PRMT8: variants seen among roughly 807,000 people sequenced by gnomAD.
PRMT8 encodes protein arginine methyltransferase 8.
PRMT8 carries 7 observed loss-of-function variants against 47.1 expected under a neutral mutation model. The observed-to-expected ratio is 0.15, with a 90% CI of 0.08 to 0.28. The LOEUF is 0.28. PRMT8 is among the 10% of genes least tolerant of loss of function. The pLI is 1.00. For synonymous variants in PRMT8, 188 were observed against 186.5 expected, an observed-to-expected ratio of 1.01 and a Z score of -0.07; for missense variants, 237 against 505.4, an observed-to-expected ratio of 0.47 and a Z score of 5.09.
At chr12:3,546,247 C>G (rs1866326088) in intron 2 of PRMT8, among the ~76,000 whole-genome samples, 1 of 152,054 alleles carries the variant, frequency 6.6e-6, no homozygotes, top group African/African-American at 2.4e-5. Flanking sequence ...GAAAAAAAGT[C>G]ATAAAATCAA....
At chr12:3,482,421 C>G (rs1591563774) in intron 1 of PRMT8, among the ~76,000 whole-genome samples, 1 of 152,192 alleles carries the variant, frequency 6.6e-6, no homozygotes, top group African/African-American at 2.4e-5. Context: ...GATGCACTAA[C>G]TAAGTCCTGA....
chr12:3,390,759 G>A (rs1006850339), intron 1 of PRMT8, among the ~76,000 whole-genome samples: 1 of 152,148 alleles, frequency 6.6e-6, no homozygotes, highest in African/African-American at 2.4e-5. Flanking sequence ...TCTAGCACTC[G>A]TTACAATTCA....
intron 1 of PRMT8, among the ~76,000 whole-genome samples, chr12:3,440,858 T>A (rs111418885): frequency 0.024 from 3,615 of 152,224 alleles, 148 homozygotes; most frequent in African/African-American, 0.083. Flanking sequence ...ATCAGTGTCA[T>A]CATGAGCTAA....
At chr12:3,494,255 G>A in intron 1 of PRMT8, among the ~76,000 whole-genome samples, 1 of 152,160 alleles carries the variant, frequency 6.6e-6, no homozygotes, top group East Asian at 1.9e-4. Context: ...CTCTGGAGGG[G>A]CTCACAGTCT....
At chr12:3,547,029 C>T (rs1866337963) in intron 2 of PRMT8, among the ~76,000 whole-genome samples, 1 of 152,066 alleles carries the variant, frequency 6.6e-6, no homozygotes, top group African/African-American at 2.4e-5. Flanking sequence ...AGTCATATAC[C>T]ATCTCAATAA....
chr12:3,522,271 C>T (rs1865889943), intron 1 of PRMT8, among the ~76,000 whole-genome samples: 1 of 152,180 alleles, frequency 6.6e-6, no homozygotes, highest in Non-Finnish European at 1.5e-5. Flanking sequence ...TCCACCCTGT[C>T]ATTCCTTAGG....
chr12:3,568,970 C>T (rs1318736157), intron 5 of PRMT8, 122 bp downstream of exon 5: 3 of 1,316,648 alleles, frequency 2.3e-6, no homozygotes, highest in East Asian at 2.3e-5. Context: ...AGGTCACTGC[C>T]CCAAGCCCCT....
chr12:3,549,486 C>G lies in PRMT8; in HGVS notation c.262-450C>G, dbSNP rs548137213. ...AGCCAATATGCTGGACAGAGAAACA[C>G]ATTTTCTAGTCTTTTTTTTTTTTTA... On this transcript the variant is annotated intron_variant, in intron 2 of 9. Coordinates refer to ENST00000382622, the MANE Select transcript of PRMT8 (RefSeq NM_019854.5). Among the ~76,000 whole-genome samples, 6 of 132,626 alleles carry G rather than the reference C, an allele frequency of 4.5e-5. No homozygotes were observed. In the South Asian group the frequency reaches 1.7e-3, roughly 37 times the overall value. 87.0% of individuals were successfully genotyped at this position (132,626 alleles called of 152,430 possible). A position where few individuals can be genotyped will look rare whatever the true frequency, so the allele number is the denominator to read the frequency against.
At chr12:3,475,590 C>T (rs1393607562) in intron 1 of PRMT8, among the ~76,000 whole-genome samples, 1 of 152,222 alleles carries the variant, frequency 6.6e-6, no homozygotes, top group Non-Finnish European at 1.5e-5. Flanking sequence ...GTCTAGAGAA[C>T]GCTACCACCT....
At chr12:3,568,651 G>T (rs922810686) in intron 4 of PRMT8, 55 bp from the exon 5 acceptor site, 1 of 1,607,118 alleles carries the variant, frequency 6.2e-7, no homozygotes, top group East Asian at 2.2e-5. Context: ...TGAGGTGCTT[G>T]TGGTTCCTGG....
At chr12:3,589,631 T>G (rs561853986) in intron 8 of PRMT8, among the ~76,000 whole-genome samples, 3 of 152,274 alleles carry the variant, frequency 2.0e-5, no homozygotes, top group Admixed American at 2.0e-4. Context: ...AGAATCAGGA[T>G]TGGGAAAACT....
intron 1 of PRMT8, among the ~76,000 whole-genome samples, chr12:3,437,622 C>CTACATATATATA (rs1555079682): frequency 3.3e-4 from 47 of 142,872 alleles, no homozygotes; most frequent in African/African-American, 1.1e-3. Context: ...TGCATTCAGG[C>CTACATATATATA]TATATATATA....
chr12:3,486,860 A>T (rs140562990), upstream of PRMT8, among the ~76,000 whole-genome samples: 1 of 152,380 alleles, frequency 6.6e-6, no homozygotes, highest in East Asian at 1.9e-4. Flanking sequence ...TTAATCAGAC[A>T]TTATCAGAGC....
chr12:3,561,028 A>G (rs1866627598), intron 4 of PRMT8, among the ~76,000 whole-genome samples: 1 of 152,210 alleles, frequency 6.6e-6, no homozygotes, highest in Non-Finnish European at 1.5e-5. Flanking sequence ...CCAGCCTTAT[A>G]TAAGTGCTCT....
chr12:3,529,669 C>A (rs1404943837), intron 1 of PRMT8, among the ~76,000 whole-genome samples: 8 of 152,140 alleles, frequency 5.3e-5, no homozygotes, highest in Admixed American at 6.5e-5. Context: ...CTATGGAAAC[C>A]AGGTGAGAAT....
intron 1 of PRMT8, among the ~76,000 whole-genome samples, chr12:3,513,292 G>T (rs1865740919): frequency 6.6e-6 from 1 of 152,160 alleles, no homozygotes; most frequent in Non-Finnish European, 1.5e-5. Context: ...AGAGGGCTTG[G>T]TCTTGGGGAT....
intron 9 of PRMT8, 134 bp from the exon 10 acceptor site, chr12:3,592,965 C>G (rs1327132481): frequency 1.4e-6 from 1 of 700,834 alleles, no homozygotes; most frequent in Non-Finnish European, 2.5e-6. Flanking sequence ...TCAGGGGAAC[C>G]CCTTAGCCAG....
intron 7 of PRMT8, among the ~76,000 whole-genome samples, chr12:3,578,630 C>G (rs1181275970): frequency 6.6e-6 from 1 of 152,106 alleles, no homozygotes; most frequent in Non-Finnish European, 1.5e-5. Context: ...AGTATCGGGG[C>G]AGGGTACTGG....
chr12:3,467,680 T>TA (rs1865115554), intron 1 of PRMT8, among the ~76,000 whole-genome samples: 1 of 152,084 alleles, frequency 6.6e-6, no homozygotes, highest in South Asian at 2.1e-4. Flanking sequence ...AGACAACACT[T>TA]ACAACATTCA....
Sources: allele counts gnomAD v4.1 joint callset (sites outside exome capture counted in the v4.1 genomes callset), GRCh38; gene constraint gnomAD v4.1.1; transcripts MANE v1.5; gene names NCBI Gene and HGNC (gene_info 2026-07-23, HGNC 2026-07-21).